The following TBC1D22A variants were observed in gnomAD, a reference collection of about 807,000 sequenced individuals.
TBC1D22A encodes the protein TBC1 domain family member 22A, also known as putative GTPase activator.
TBC1D22A carries 38 observed loss-of-function variants against 60.2 expected under a neutral mutation model. The observed-to-expected ratio is 0.63, with a 90% CI of 0.49 to 0.83. The LOEUF is 0.83. Among genes scored for constraint, TBC1D22A ranks in the 40% least tolerant of loss-of-function variants. The pLI is 0.00. For missense variants in TBC1D22A, 628 were observed against 701.0 expected (o/e 0.90, Z 1.18); for synonymous variants, 302 against 281.7 (o/e 1.07, Z -0.72).
chr22:47,107,109 ATTAAG>A (rs887563791), intron 11 of TBC1D22A, among the ~76,000 whole-genome samples: 42 of 152,222 alleles, frequency 2.8e-4, no homozygotes, highest in African/African-American at 9.4e-4. Flanking sequence ...ATTTTAGATC[ATTAAG>A]TTAAATATAC....
chr22:47,096,412 C>T lies in TBC1D22A; in HGVS notation c.1330-15096C>T, dbSNP rs184169653. ...CTGGATACGAATCCTTTGTCAGTCA[C>T]ATACCCACTACAAATACCTTTTTCC... On this transcript the variant is annotated intron_variant, in intron 11 of 12. Coordinates refer to ENST00000337137, the MANE Select transcript of TBC1D22A (RefSeq NM_014346.5). Among the ~76,000 whole-genome samples the T allele has an allele frequency of 2.6e-5, 4 of 152,342 alleles. No homozygotes were observed. In the East Asian group the frequency reaches 7.7e-4, roughly 29 times the overall value.
chr22:47,024,248 A>G (rs1196531584), intron 10 of TBC1D22A, among the ~76,000 whole-genome samples: 1 of 152,244 alleles, frequency 6.6e-6, no homozygotes, highest in Admixed American at 6.5e-5. Flanking sequence ...GAGATAAAGT[A>G]GATTATATAA....
At chr22:46,955,418 G>A (rs1316626928) in intron 8 of TBC1D22A, among the ~76,000 whole-genome samples, 2 of 152,202 alleles carry the variant, frequency 1.3e-5, no homozygotes, top group African/African-American at 4.8e-5. Context: ...AGGATTTGCT[G>A]TGATTGGCAG....
chr22:46,963,951 G>A (rs985107013), intron 8 of TBC1D22A, among the ~76,000 whole-genome samples: 1 of 152,374 alleles, frequency 6.6e-6, no homozygotes, highest in East Asian at 1.9e-4. Context: ...CTTGGGTCCA[G>A]CAGGAGCGAT....
intron 1 of TBC1D22A, among the ~76,000 whole-genome samples, chr22:46,790,514 A>C (rs2084360771): frequency 6.6e-6 from 1 of 152,150 alleles, no homozygotes. Context: ...ACACCACCAG[A>C]ACGACTAAGA....
At chr22:47,102,926 A>G (rs963181991) in intron 11 of TBC1D22A, among the ~76,000 whole-genome samples, 5 of 152,210 alleles carry the variant, frequency 3.3e-5, no homozygotes, top group African/African-American at 1.2e-4. Context: ...AATGCTAATT[A>G]CCAATCACGT....
chr22:47,001,459 A>G (rs1420365373), intron 10 of TBC1D22A, among the ~76,000 whole-genome samples: 1 of 151,718 alleles, frequency 6.6e-6, no homozygotes, highest in African/African-American at 2.4e-5. Context: ...AAGAAAAAAA[A>G]AAAAAAAAAA....
At chr22:46,962,648 T>G (rs572384727) in intron 8 of TBC1D22A, among the ~76,000 whole-genome samples, 1 of 144,692 alleles carries the variant, frequency 6.9e-6, no homozygotes, top group East Asian at 2.1e-4. Flanking sequence ...GGGATTGCAG[T>G]TCTGTAGATA....
intron 11 of TBC1D22A, among the ~76,000 whole-genome samples, chr22:47,044,264 G>T (rs1169816270): frequency 6.6e-6 from 1 of 152,204 alleles, no homozygotes; most frequent in East Asian, 1.9e-4. Flanking sequence ...GGATGTAAAC[G>T]ATTACTGGCT....
intron 5 of TBC1D22A, among the ~76,000 whole-genome samples, chr22:46,881,302 T>G (rs1043997037): frequency 4.6e-5 from 7 of 152,200 alleles, no homozygotes; most frequent in African/African-American, 1.7e-4. Context: ...TTAGGCACTG[T>G]GTCGGGTGCT....
At chr22:46,790,015 C>T (rs893703871) in intron 1 of TBC1D22A, among the ~76,000 whole-genome samples, 73 of 152,256 alleles carry the variant, frequency 4.8e-4, no homozygotes, top group Non-Finnish European at 1.5e-5. Context: ...GATTGGCCAC[C>T]GCCATTGTCT....
intron 4 of TBC1D22A, among the ~76,000 whole-genome samples, chr22:46,875,625 T>C (rs1353496519): frequency 6.6e-6 from 1 of 152,092 alleles, no homozygotes; most frequent in Non-Finnish European, 1.5e-5. Context: ...CTAATTTTTG[T>C]ATTTTTAGTA....
At chr22:46,789,351 T>C in intron 1 of TBC1D22A, 1 of 456,508 alleles carries the variant, frequency 2.2e-6, no homozygotes, top group Non-Finnish European at 4.5e-6. Context: ...GGTCTCGATC[T>C]CCTGACCTCG....
intron 12 of TBC1D22A, among the ~76,000 whole-genome samples, chr22:47,153,193 C>T (rs1490374517): frequency 1.3e-5 from 2 of 152,180 alleles, no homozygotes; most frequent in Non-Finnish European, 2.9e-5. Flanking sequence ...GGCACCTTTC[C>T]CTGCCAAGAC....
At chr22:47,106,611 C>T (rs577171636) in intron 11 of TBC1D22A, among the ~76,000 whole-genome samples, 22 of 152,154 alleles carry the variant, frequency 1.4e-4, no homozygotes, top group African/African-American at 5.3e-4. Context: ...CCCTAAAACC[C>T]TCTCATTAAA....
intron 8 of TBC1D22A, among the ~76,000 whole-genome samples, chr22:46,969,130 A>C (rs1457626324): frequency 1.3e-5 from 2 of 151,876 alleles, no homozygotes; most frequent in Admixed American, 6.6e-5. Flanking sequence ...GAGTACCACC[A>C]CCCGTGGGAT....
chr22:47,160,015 T>C (rs1263819121), intron 12 of TBC1D22A, among the ~76,000 whole-genome samples: 3 of 151,660 alleles, frequency 2.0e-5, no homozygotes, highest in African/African-American at 7.3e-5. Flanking sequence ...GCACACCATA[T>C]ACACACATGT....
chr22:46,792,598 C>T lies in TBC1D22A; in HGVS notation c.119+22C>T, dbSNP rs369274891. 8 of 1,614,112 alleles carry T rather than the reference C, an allele frequency of 5.0e-6. No homozygotes were observed. In the African/African-American group the frequency reaches 8.0e-5, roughly 16 times the overall value. ...GCACGTAAGTGACGTTCCAACCTCA[C>T]TTGGCGTCTCGGCTCTGATATGGGA... On this transcript the variant is annotated intron_variant, in intron 2 of 12. Transcript: ENST00000337137.
intron 1 of TBC1D22A, among the ~76,000 whole-genome samples, chr22:46,784,812 A>G (rs771544097): frequency 6.6e-6 from 1 of 152,282 alleles, no homozygotes; most frequent in Non-Finnish European, 1.5e-5. Flanking sequence ...GTCATGTCCC[A>G]GTATTCAGAT....
Sources: allele counts gnomAD v4.1 joint callset (sites outside exome capture counted in the v4.1 genomes callset), GRCh38; gene constraint gnomAD v4.1.1; transcripts MANE v1.5; gene names NCBI Gene and HGNC (gene_info 2026-07-23, HGNC 2026-07-21).